Variants in PLEKHG4B observed in about 807,000 individuals in gnomAD.
PLEKHG4B encodes pleckstrin homology and RhoGEF domain containing G4B, also known as pleckstrin homology domain-containing family G member 4B.
PLEKHG4B carries 111 observed loss-of-function variants against 121.3 expected under a neutral mutation model. That is an observed-to-expected ratio of 0.92 (90% CI 0.78 to 1.07). The LOEUF is 1.07. Among genes scored for constraint, PLEKHG4B ranks in the 50% least tolerant of loss-of-function variants. The pLI, the probability that PLEKHG4B is intolerant of heterozygous loss-of-function variation, is 0.00. For missense variants in PLEKHG4B, 1,831 were observed against 1,757.8 expected, an observed-to-expected ratio of 1.04 and a Z score of -0.74; for synonymous variants, 738 against 725.0, an observed-to-expected ratio of 1.02 and a Z score of -0.29.
chr5:146,479 T>C, intron 6 of PLEKHG4B, among the ~76,000 whole-genome samples: 1 of 127,212 alleles, frequency 7.9e-6, no homozygotes, highest in African/African-American at 3.1e-5. Context: ...TGCAATCCTC[T>C]CTCCTCCCCT....
chr5:163,242 C>G lies in PLEKHG4B; in HGVS notation c.3170C>G (p.Ser1057Cys), dbSNP rs1472343106. The G allele has an allele frequency of 3.1e-6, 5 of 1,610,148 alleles. No homozygotes were observed. Among genetic ancestry groups the G allele is most frequent in the Non-Finnish European group, 4.2e-6 (5 of 1,178,570 alleles). ...ACCACGGCCCACCTGGAGGACAGCTCTGCCTGTTCCTCTGAGCCCACCCAG... is the reference window on the plus strand; with the variant it reads ...ACCACGGCCCACCTGGAGGACAGCTGTGCCTGTTCCTCTGAGCCCACCCAG... Reference protein sequence around the residue: ...GATTAHLEDSSACSSEPTQTL... With the variant: ...GATTAHLEDSCACSSEPTQTL... Residue 1057 changes from serine to cysteine, a missense_variant, in exon 13 of 20, where the codon TCT (serine) becomes TGT (cysteine). Transcript: ENST00000637938.
chr5:159,495 CT>C lies in PLEKHG4B; in HGVS notation c.2488-2285del, dbSNP rs1735920834. Among the ~76,000 whole-genome samples the C allele has an allele frequency of 6.6e-6, 1 of 152,184 alleles. No homozygotes were observed. The highest frequency in any genetic ancestry group is 1.5e-5 in the Non-Finnish European group (1 of 68,026). On this transcript the variant is annotated intron_variant, in intron 11 of 19. Transcript: ENST00000637938. The surrounding 1 kb of genome is among the most constrained non-coding windows in gnomAD (Gnocchi z 5.5). ...TCCTTGTAAGGTAGATTTTTCTCAGCTTTACCCTCTAACTCTATTATTGAGT... is the reference window on the plus strand; with the variant it reads ...TCCTTGTAAGGTAGATTTTTCTCAGCTTACCCTCTAACTCTATTATTGAGT...
In PLEKHG4B at chr5:137,932, G is replaced by A. The variant is rs577162552; in HGVS notation, c.244-1551G>A. ...AGCCCAGGACACAGCTCCTCAGGCC[G>A]CCTCGCAGCGTCTGGGGAGGGTGTC... is the stretch of plus-strand genomic sequence containing the variant. On this transcript the variant is annotated intron_variant, in intron 2 of 19. Transcript: ENST00000637938. The surrounding 1 kb of genome is among the most constrained non-coding windows in gnomAD (Gnocchi z 4.2). Among the ~76,000 whole-genome samples, 17 of 152,350 alleles carry A rather than the reference G, an allele frequency of 1.1e-4. No homozygotes were observed. Among genetic ancestry groups the A allele is most frequent in the Middle Eastern group, 3.4e-3 (1 of 294 alleles).
At chr5:171,580 C>A in intron 16 of PLEKHG4B, 136 bp downstream of exon 16, 1 of 917,962 alleles carries the variant, frequency 1.1e-6, no homozygotes, top group Non-Finnish European at 1.6e-6. Context: ...CCTCAAAGCA[C>A]AGCCTTCTGA....
At chr5:181,909 T>C in intron 19 of PLEKHG4B, 95 bp from the exon 20 acceptor site, 1 of 1,422,822 alleles carries the variant, frequency 7.0e-7, no homozygotes, top group Non-Finnish European at 9.7e-7. Flanking sequence ...TGGCAAAGCC[T>C]GGTCGGCCTT....
chr5:116,935 CAGAG>C, intron 2 of PLEKHG4B, among the ~76,000 whole-genome samples: 1 of 152,310 alleles, frequency 6.6e-6, no homozygotes, highest in Non-Finnish European at 1.5e-5. Flanking sequence ...GGGGAAGAAA[CAGAG>C]AGGTGCCTGC....
chr5:142,309 C>T (rs192808453), intron 3 of PLEKHG4B, among the ~76,000 whole-genome samples: 2 of 152,274 alleles, frequency 1.3e-5, no homozygotes, highest in Admixed American at 1.3e-4. Flanking sequence ...CGCAGTCACA[C>T]ACACGCCATA....
intron 2 of PLEKHG4B, among the ~76,000 whole-genome samples, chr5:123,718 T>G (rs1158627026): frequency 6.6e-6 from 1 of 152,162 alleles, no homozygotes; most frequent in African/African-American, 2.4e-5. Flanking sequence ...TATCCCCTCT[T>G]TAATCTGATT....
chr5:146,526 C>T (rs115469650), intron 6 of PLEKHG4B, among the ~76,000 whole-genome samples: 41 of 146,472 alleles, frequency 2.8e-4, no homozygotes, highest in African/African-American at 9.4e-4. Flanking sequence ...CTGTGGCCCT[C>T]CTTCCTCTTC....
chr5:161,773 T>C lies in PLEKHG4B; in HGVS notation c.2488-10T>C, dbSNP rs759853500. 11 of 1,613,464 alleles carry C rather than the reference T, an allele frequency of 6.8e-6. No homozygotes were observed. The highest frequency in any genetic ancestry group is 9.3e-6 in the Non-Finnish European group (11 of 1,180,010). On this transcript the variant is annotated splice_polypyrimidine_tract_variant and intron_variant, in intron 11 of 19. Transcript: ENST00000637938. ...CGGGCTTGTACTGATGCTTTGTTCC[T>C]TGGGTACAGCAATCCTGCCAGAAAG...
At chr5:181,393 G>T in intron 18 of PLEKHG4B, 121 bp from the exon 19 acceptor site, 5 of 1,041,794 alleles carry the variant, frequency 4.8e-6, no homozygotes, top group Non-Finnish European at 6.9e-6. Context: ...CGTGGGGCAG[G>T]GTGGGTATAC....
chr5:172,572 G>A (rs534490990), intron 16 of PLEKHG4B, among the ~76,000 whole-genome samples: 10 of 152,240 alleles, frequency 6.6e-5, no homozygotes, highest in South Asian at 6.2e-4. Flanking sequence ...CGTATGACCC[G>A]GGAACGGGGG....
chr5:185,760 G>C lies in PLEKHG4B; in HGVS notation c.*3437G>C, dbSNP rs1432842100. On this transcript the variant is annotated 3_prime_UTR_variant, in exon 20 of 20. Coordinates refer to ENST00000637938, the MANE Select transcript of PLEKHG4B (RefSeq NM_052909.5). ...CTGGGGATATGCCCAGGCCAGCAGG[G>C]CCAGCAGGAGTGACTGCGCCATCCT... 1 of 152,534 alleles carries C rather than the reference G, an allele frequency of 6.6e-6. No individual in the cohort carries two copies. The highest frequency in any genetic ancestry group is 1.5e-5 in the Non-Finnish European group (1 of 68,226). The allele number at this position is 152,534 out of a possible 1,614,324, so 9.4% of individuals were successfully genotyped here. A position where few individuals can be genotyped will look rare whatever the true frequency, so the allele number is the denominator to read the frequency against.
intron 1 of PLEKHG4B, among the ~76,000 whole-genome samples, chr5:103,210 C>T (rs548336491): frequency 7.3e-4 from 111 of 152,306 alleles, no homozygotes; most frequent in South Asian, 6.2e-4. Flanking sequence ...CAGGTCCCAT[C>T]GCTCCCACCA....
intron 1 of PLEKHG4B, among the ~76,000 whole-genome samples, chr5:101,114 T>A (rs369337566): frequency 2.6e-3 from 249 of 95,644 alleles, no homozygotes; most frequent in South Asian, 0.017. Context: ...GTTGTGAGGT[T>A]AATCCATATA....
At chr5:96,125 G>C (rs1733621223) in intron 1 of PLEKHG4B, among the ~76,000 whole-genome samples, 1 of 152,194 alleles carries the variant, frequency 6.6e-6, no homozygotes, top group South Asian at 2.1e-4. Flanking sequence ...CAGTGGTTTG[G>C]GATTCAGGCT....
chr5:169,298 C>A lies in PLEKHG4B; in HGVS notation c.3477-42C>A, dbSNP rs201970833. On this transcript the variant is annotated intron_variant, in intron 13 of 19. Transcript: ENST00000637938. The stretch of plus-strand genomic sequence containing the variant: ...CATGAATTGCTTTTAATAAAGTGTC[C>A]GTGGGGGGCCGTGTGCCCCCCGGGA... 1.9e-6 allele frequency: 3 copies of A among 1,607,264 alleles called. No homozygotes were observed. In the African/African-American group the frequency reaches 4.0e-5, roughly 22 times the overall value.
chr5:176,014 C>T lies in PLEKHG4B; in HGVS notation c.4402+1916C>T, dbSNP rs1257676085. On this transcript the variant is annotated intron_variant, in intron 18 of 19. Coordinates refer to ENST00000637938, the MANE Select transcript of PLEKHG4B (RefSeq NM_052909.5). ...GGGCTCCTGCACGGCTGCACCCCGC[C>T]TGAGCCCTGACCCCCTCCAGGTGAA... 2.6e-5 allele frequency among the ~76,000 whole-genome samples: 3 copies of T among 116,716 alleles called. 1 individual carries two copies. Among genetic ancestry groups the T allele is most frequent in the Non-Finnish European group, 6.5e-5 (3 of 46,470 alleles). The allele number at this position is 116,716 out of a possible 152,430, so 76.6% of individuals were successfully genotyped here.
At chr5:119,535 T>C (rs1734407364) in intron 2 of PLEKHG4B, among the ~76,000 whole-genome samples, 1 of 152,112 alleles carries the variant, frequency 6.6e-6, no homozygotes, top group African/African-American at 2.4e-5. Context: ...TGGAGGAACA[T>C]GAAGACCTTT....
Sources: gnomAD v4.1 joint callset for allele counts (sites outside exome capture counted in the v4.1 genomes callset) on GRCh38, gnomAD v4.1.1 for gene constraint, Gnocchi (gnomAD v3.1) non-coding constraint, MANE v1.5 for transcripts, NCBI Gene and HGNC (gene_info 2026-07-23, HGNC 2026-07-21) for gene names.